The following NEK1 variants were observed in gnomAD, a reference collection of about 807,000 sequenced individuals.
NEK1 encodes serine/threonine-protein kinase Nek1.
NEK1 carries 137 observed loss-of-function variants against 182.1 expected under a neutral mutation model. The observed-to-expected ratio is 0.75, with a 90% CI of 0.65 to 0.87. The LOEUF (loss-of-function observed/expected upper bound fraction) is 0.87, where lower values mean the gene tolerates loss of function less well. Among genes scored for constraint, NEK1 ranks in the 40% least tolerant of loss-of-function variants. The probability of loss-of-function intolerance (pLI) is 0.00; values close to 1 mark genes in which losing one functional copy is unlikely to be tolerated. For synonymous variants in NEK1, 513 were observed against 492.2 expected, an observed-to-expected ratio of 1.04 and a Z score of -0.56; for missense variants, 1,391 against 1,494.4, an observed-to-expected ratio of 0.93 and a Z score of 1.14.
chr4:169,523,121 C>A (rs1259118715), intron 19 of NEK1, among the ~76,000 whole-genome samples: 1 of 152,116 alleles, frequency 6.6e-6, no homozygotes, highest in East Asian at 1.9e-4. Context: ...TCTTTTTGGA[C>A]CTGGGCAGAA....
rs550017595 is a variant in NEK1 at position 169,443,497 on chromosome 4, G to GA, written c.2588-5239dup. ...TCAGAAAATAAAGAAAAGGATAAAA[G>GA]AAAAAAAAAGAATGGAAGTCTATGT... On this transcript the variant is annotated intron_variant, in intron 27 of 35. Coordinates refer to ENST00000507142, the MANE Select transcript of NEK1 (RefSeq NM_001199397.3). Among the ~76,000 whole-genome samples the GA allele has an allele frequency of 5.4e-5, 8 of 148,158 alleles. No homozygotes were observed. In the South Asian group the frequency reaches 6.4e-4, roughly 12 times the overall value.
At chr4:169,558,036 C>T (rs889827171) in intron 16 of NEK1, among the ~76,000 whole-genome samples, 1 of 152,088 alleles carries the variant, frequency 6.6e-6, no homozygotes, top group Non-Finnish European at 1.5e-5. Flanking sequence ...ATTTGTCTTC[C>T]ATCAAGGTGG....
chr4:169,610,212 G>A (rs1772086508), intron 2 of NEK1, among the ~76,000 whole-genome samples: 2 of 152,042 alleles, frequency 1.3e-5, no homozygotes, highest in African/African-American at 2.4e-5. Context: ...ATACTGGCCA[G>A]GCTGGTCTCG....
chr4:169,461,958 C>G (rs138543519), intron 27 of NEK1, among the ~76,000 whole-genome samples: 2 of 151,936 alleles, frequency 1.3e-5, no homozygotes, highest in Non-Finnish European at 2.9e-5. Context: ...TTTCTCAGTT[C>G]CAATTCTGTG....
chr4:169,589,101 T>C (rs933308301), intron 7 of NEK1, among the ~76,000 whole-genome samples: 8 of 152,204 alleles, frequency 5.3e-5, no homozygotes, highest in Non-Finnish European at 8.8e-5. Context: ...ATCTTTTATA[T>C]TGTATCTTTT....
At chr4:169,485,096 C>T (rs956688463) in intron 23 of NEK1, among the ~76,000 whole-genome samples, 2 of 152,140 alleles carry the variant, frequency 1.3e-5, no homozygotes, top group African/African-American at 4.8e-5. Context: ...AAAATTTGAG[C>T]ATTGTGAGAG....
intron 27 of NEK1, among the ~76,000 whole-genome samples, chr4:169,457,385 A>C (rs75419253): frequency 0.025 from 3,771 of 151,906 alleles, 137 homozygotes; most frequent in African/African-American, 0.083. Context: ...AAAAAGAGCA[A>C]TTGACTGAGA....
At position 169,580,901 on chromosome 4, in the gene NEK1, A is replaced by G; in HGVS notation, c.809T>C (p.Leu270Pro). The change falls in exon 11 of 36, where the codon CTT (leucine) becomes CCT (proline). Residue 270 changes from leucine (L) to proline (P), a missense_variant and splice_region_variant. Around this residue, in one of 5 missense-constraint regions of NEK1, gnomAD observed 1,216 missense variants for 1,277.6 expected, o/e 0.95. Transcript: ENST00000507142. Reference protein sequence around the residue: ...KRIEKFLSPQLIAEEFCLKTF... With the variant: ...KRIEKFLSPQPIAEEFCLKTF... ...TTTTAGACAAAATTCTTCTGCAATA[A>G]GCTGAGATTGAAAGAGAAAAAAATT... 6.6e-7 allele frequency: 1 copy of G among 1,511,558 alleles called. No homozygotes were observed. Among genetic ancestry groups the G allele is most frequent in the Non-Finnish European group, 8.9e-7 (1 of 1,118,718 alleles). The allele number at this position is 1,511,558 out of a possible 1,614,324, so 93.6% of individuals were successfully genotyped here.
intron 2 of NEK1, among the ~76,000 whole-genome samples, chr4:169,607,614 C>T (rs1771583862): frequency 6.6e-6 from 1 of 152,056 alleles, no homozygotes; most frequent in Non-Finnish European, 1.5e-5. Flanking sequence ...AGGCGCCTGC[C>T]ACCACGCCCG....
chr4:169,553,701 A>G (rs1761748255), intron 18 of NEK1, among the ~76,000 whole-genome samples: 1 of 152,256 alleles, frequency 6.6e-6, no homozygotes, highest in Non-Finnish European at 1.5e-5. Context: ...AGGCCTGAAC[A>G]GACAACTCAT....
At chr4:169,403,942 G>A (rs777486832) in intron 32 of NEK1, among the ~76,000 whole-genome samples, 3 of 151,946 alleles carry the variant, frequency 2.0e-5, no homozygotes, top group Non-Finnish European at 4.4e-5. Flanking sequence ...ATGAAATAAC[G>A]TACTTTAAAA....
intron 21 of NEK1, 145 bp downstream of exon 21, chr4:169,508,103 T>G: frequency 1.4e-6 from 1 of 705,262 alleles, no homozygotes; most frequent in Non-Finnish European, 2.3e-6. Flanking sequence ...AAGATTTACT[T>G]TATGTGTAGT....
intron 26 of NEK1, among the ~76,000 whole-genome samples, chr4:169,474,353 T>C (rs1746570080): frequency 1.3e-5 from 2 of 152,206 alleles, no homozygotes; most frequent in Non-Finnish European, 2.9e-5. Flanking sequence ...ACTTTGGTTT[T>C]CTAATCAGCA....
intron 31 of NEK1, among the ~76,000 whole-genome samples, chr4:169,421,018 A>G (rs1275173684): frequency 2.0e-5 from 3 of 152,232 alleles, no homozygotes; most frequent in Admixed American, 2.0e-4. Context: ...AAGAATGTAT[A>G]TATACCATAT....
chr4:169,611,612 A>G (rs976081039), intron 2 of NEK1, among the ~76,000 whole-genome samples: 2 of 152,256 alleles, frequency 1.3e-5, no homozygotes, highest in Non-Finnish European at 2.9e-5. Flanking sequence ...AAGTAGTACA[A>G]CAATTAATGC....
intron 23 of NEK1, among the ~76,000 whole-genome samples, chr4:169,488,577 G>A (rs575174327): frequency 1.3e-5 from 2 of 152,154 alleles, no homozygotes; most frequent in African/African-American, 2.4e-5. Flanking sequence ...TTACAGGGCA[G>A]TGATTTTTAT....
Position 169,400,630 on chromosome 4 carries a change from G to A in NEK1, c.3605C>T (p.Ala1202Val). 1.3e-6 allele frequency: 2 copies of A among 1,593,716 alleles called. No individual in the cohort carries two copies. Among genetic ancestry groups the A allele is most frequent in the Non-Finnish European group, 8.6e-7 (1 of 1,169,512 alleles). The change falls in exon 34 of 36, where the codon GCT (alanine) becomes GTT (valine). Residue 1202 changes from alanine (A) to valine (V), a missense_variant. Ala to Val is a moderately conservative substitution (Grantham distance 64, BLOSUM62 0). Transcript: ENST00000507142. ...GACACTATCGCATTCACATTCACTAGCAATTTCACCATCACTGTTATCTAA... is the reference window on the plus strand; with the variant it reads ...GACACTATCGCATTCACATTCACTAACAATTTCACCATCACTGTTATCTAA... The part of the protein sequence containing the change: ...WHSDNSDGEI[A>V]SECECDSVFN...
At position 169,463,414 on chromosome 4, in the gene NEK1, A is replaced by G. The variant is rs759995862; in HGVS notation, c.2435-19T>C. The G allele has an allele frequency of 1.3e-6, 2 of 1,571,268 alleles. No homozygotes were observed. Among genetic ancestry groups the G allele is most frequent in the Non-Finnish European group, 1.7e-6 (2 of 1,152,190 alleles). ...GTATGTCCTATAAGAAAAATATACA[A>G]AGAAACAATTTTCAATAACAGTATA... On this transcript the variant is annotated intron_variant, in intron 26 of 35. Coordinates refer to ENST00000507142, the MANE Select transcript of NEK1 (RefSeq NM_001199397.3).
intron 19 of NEK1, among the ~76,000 whole-genome samples, chr4:169,534,684 T>C (rs906542567): frequency 4.2e-5 from 6 of 142,372 alleles, no homozygotes; most frequent in Non-Finnish European, 6.1e-5. Context: ...CACTGAAGAC[T>C]GTTCTGTACT....
Sources: gnomAD v4.1 joint callset for allele counts (sites outside exome capture counted in the v4.1 genomes callset) on GRCh38, gnomAD v4.1.1 for gene constraint, gnomAD v4.1.1 regional missense constraint, MANE v1.5 for transcripts, NCBI Gene and HGNC (gene_info 2026-07-23, HGNC 2026-07-21) for gene names.